Variants in C4orf50 observed in about 807,000 individuals in gnomAD.
The protein encoded by C4orf50 is chromosome 4 open reading frame 50.
In C4orf50, 80 loss-of-function variants were observed where a neutral mutation model predicts 77.2. That is an observed-to-expected ratio of 1.04 (90% CI 0.87 to 1.25). C4orf50 has a LOEUF of 1.25. Among genes scored for constraint, C4orf50 ranks in the 50% most tolerant of loss-of-function variants. The pLI, the probability that C4orf50 is intolerant of heterozygous loss-of-function variation, is 0.00. For synonymous variants in C4orf50, 532 were observed against 465.3 expected (o/e 1.14, Z -1.84); for missense variants, 1,257 against 1,152.9 (o/e 1.09, Z -1.31).
At chr4:5,931,188 T>C (rs1477745681) in intron 7 of C4orf50, among the ~76,000 whole-genome samples, 1 of 152,178 alleles carries the variant, frequency 6.6e-6, no homozygotes, top group Non-Finnish European at 1.5e-5. Context: ...AAAGAGTCCC[T>C]GCAGACTCAA....
chr4:5,979,376 C>T (rs1046127879), intron 29 of C4orf50, among the ~76,000 whole-genome samples: 1 of 152,168 alleles, frequency 6.6e-6, no homozygotes, highest in African/African-American at 2.4e-5. Flanking sequence ...AATGAGTTCA[C>T]TTTGCATGTG....
intron 30 of C4orf50, among the ~76,000 whole-genome samples, chr4:5,974,046 G>A (rs769399319): frequency 6.6e-6 from 1 of 152,166 alleles, no homozygotes; most frequent in Non-Finnish European, 1.5e-5. Context: ...ACACCCCCAG[G>A]GGCTCCGCAC....
chr4:6,007,690 G>A lies in C4orf50; in HGVS notation c.963+306C>T, dbSNP rs1050615449. ...GCAAAATGATGGTGGGTAGGTGGGCGAGTGGTTGGATAGGTAGATGGATGG... is the reference window on the plus strand; with the variant it reads ...GCAAAATGATGGTGGGTAGGTGGGCAAGTGGTTGGATAGGTAGATGGATGG... On this transcript the variant is annotated intron_variant, in intron 25 of 33. Transcript: ENST00000531445. The surrounding 1 kb of genome is among the most constrained non-coding windows in gnomAD (Gnocchi z 4.1). Among the ~76,000 whole-genome samples, 2 of 152,086 alleles carry A rather than the reference G, an allele frequency of 1.3e-5. No homozygotes were observed. Among genetic ancestry groups the A allele is most frequent in the Admixed American group, 6.5e-5 (1 of 15,272 alleles).
intron 25 of C4orf50, among the ~76,000 whole-genome samples, chr4:6,001,496 C>T (rs1046135265): frequency 6.6e-6 from 1 of 152,138 alleles, no homozygotes; most frequent in East Asian, 1.9e-4. Flanking sequence ...AGACAATTAC[C>T]GCTATTTCTC....
At chr4:5,939,579 T>G (rs977914232) in intron 7 of C4orf50, among the ~76,000 whole-genome samples, 1 of 152,186 alleles carries the variant, frequency 6.6e-6, no homozygotes, top group Non-Finnish European at 1.5e-5. Context: ...AAAACTCTGC[T>G]CTGCTGTTCA....
intron 28 of C4orf50, among the ~76,000 whole-genome samples, chr4:5,981,487 C>T (rs922765904): frequency 1.3e-5 from 2 of 151,416 alleles, no homozygotes; most frequent in East Asian, 3.9e-4. Context: ...TCACCGCAAC[C>T]TCCGCCTCCC....
At chr4:5,929,576 A>G (rs6817694) in intron 7 of C4orf50, among the ~76,000 whole-genome samples, 60,912 of 152,150 alleles carry the variant, frequency 0.4, 12,552 homozygotes, top group Non-Finnish European at 0.43. Flanking sequence ...AGGAAAGGGG[A>G]AAGGAAATTT....
chr4:5,990,519 G>T (rs937945213), exon 28 of C4orf50: 2 of 399,058 alleles, frequency 5.0e-6, no homozygotes, highest in Non-Finnish European at 8.8e-6. Flanking sequence ...CCCAGCCTGG[G>T]TGTCCTGTGG....
rs1336771669 is a variant in C4orf50, at chr4:5,952,039, G to A, written c.*2474+4862C>T. On this transcript the variant is annotated intron_variant, in intron 7 of 7. Coordinates refer to the C4orf50 transcript ENST00000324058. This position sits in a 1 kb window ranked among gnomAD's most constrained non-coding sequence, Gnocchi z 4.4. The stretch of plus-strand genomic sequence containing the variant: ...TGAGATAAAATAAAATATGTGCTTG[G>A]AAGTGCCATTAAAATAAAATGAATC... 1.3e-5 allele frequency among the ~76,000 whole-genome samples: 2 copies of A among 152,182 alleles called. No homozygotes were observed. The highest frequency in any genetic ancestry group is 2.4e-5 in the African/African-American group (1 of 41,446).
intron 7 of C4orf50, among the ~76,000 whole-genome samples, chr4:5,929,308 C>A (rs551260863): frequency 1.3e-5 from 2 of 152,260 alleles, no homozygotes; most frequent in African/African-American, 4.8e-5. Flanking sequence ...TGTCAGCAGA[C>A]GTTTTTTTGA....
At chr4:5,993,794 G>A (rs1560590786) in intron 26 of C4orf50, among the ~76,000 whole-genome samples, 1 of 151,546 alleles carries the variant, frequency 6.6e-6, no homozygotes, top group African/African-American at 2.4e-5. Flanking sequence ...TCCAGCCTAG[G>A]TGACAGAGTG....
intron 7 of C4orf50, among the ~76,000 whole-genome samples, chr4:5,907,547 C>T (rs549779663): frequency 3.9e-5 from 6 of 152,160 alleles, no homozygotes; most frequent in Non-Finnish European, 7.3e-5. Flanking sequence ...AACTGATGAT[C>T]TCTACAGGCG....
intron 28 of C4orf50, among the ~76,000 whole-genome samples, chr4:5,980,821 A>T (rs1285118795): frequency 6.6e-6 from 1 of 152,222 alleles, no homozygotes; most frequent in East Asian, 1.9e-4. Context: ...AGCATAATAT[A>T]TTTATATGAA....
chr4:6,005,076 G>A (rs1447975273), intron 25 of C4orf50, among the ~76,000 whole-genome samples: 1 of 152,182 alleles, frequency 6.6e-6, no homozygotes, highest in African/African-American at 2.4e-5. Flanking sequence ...TCTGGTAGGA[G>A]GCAGAGCTGT....
chr4:5,964,333 G>C (rs1719432438), intron 33 of C4orf50, among the ~76,000 whole-genome samples: 1 of 133,988 alleles, frequency 7.5e-6, no homozygotes, highest in South Asian at 2.3e-4. Context: ...CTGAGCACTG[G>C]AACTCCTTGT....
chr4:5,943,859 G>T (rs182571035), intron 7 of C4orf50, among the ~76,000 whole-genome samples: 1 of 152,122 alleles, frequency 6.6e-6, no homozygotes, highest in Non-Finnish European at 1.5e-5. Context: ...CTTAAACGAC[G>T]AATTCCTTTT....
At chr4:5,946,607 A>T (rs1718492562) in intron 7 of C4orf50, among the ~76,000 whole-genome samples, 1 of 152,094 alleles carries the variant, frequency 6.6e-6, no homozygotes. Context: ...GAATGTTATT[A>T]CTTTCCTAAG....
chr4:5,975,330 G>A (rs1184311346), intron 30 of C4orf50, among the ~76,000 whole-genome samples: 1 of 152,018 alleles, frequency 6.6e-6, no homozygotes, highest in Admixed American at 6.6e-5. Flanking sequence ...CAAAGGCTGG[G>A]ACCCACCTCC....
chr4:5,977,090 T>C (rs1720331878), intron 29 of C4orf50, among the ~76,000 whole-genome samples: 1 of 152,088 alleles, frequency 6.6e-6, no homozygotes, highest in South Asian at 2.1e-4. Flanking sequence ...GGAGCTGCCT[T>C]CCGCCACCCT....
Sources: allele counts gnomAD v4.1 joint callset (sites outside exome capture counted in the v4.1 genomes callset), GRCh38; gene constraint gnomAD v4.1.1; non-coding constraint Gnocchi (gnomAD v3.1); transcripts MANE v1.5; gene names NCBI Gene and HGNC (gene_info 2026-07-23, HGNC 2026-07-21).